The following EYS variants were observed in gnomAD, a reference collection of about 807,000 sequenced individuals.
EYS encodes protein eyes shut homolog.
In EYS, 250 loss-of-function variants were observed where a neutral mutation model predicts 282.1. The observed-to-expected ratio is 0.89, with a 90% CI of 0.80 to 0.98. The LOEUF is 0.98. Among genes scored for constraint, EYS ranks in the 50% least tolerant of loss-of-function variants. The pLI, the probability that EYS is intolerant of heterozygous loss-of-function variation, is 0.00. For missense variants in EYS, 4,016 were observed against 3,709.0 expected, an observed-to-expected ratio of 1.08 and a Z score of -2.15; for synonymous variants, 1,355 against 1,282.9, an observed-to-expected ratio of 1.06 and a Z score of -1.20.
In EYS at chr6:64,396,108, C is replaced by T. The variant is rs148463190; in HGVS notation, c.5928-7268G>A. On this transcript the variant is annotated intron_variant, in intron 28 of 42. Coordinates refer to ENST00000503581, the MANE Select transcript of EYS (RefSeq NM_001142800.2). ...CGCACACACATACTCTCTCTCACAA[C>T]TCTTCTATCCTCATTCAACATTATG... 5.2e-3 allele frequency among the ~76,000 whole-genome samples: 796 copies of T among 152,096 alleles called. 8 individuals are homozygous for T. Among genetic ancestry groups the T allele is most frequent in the South Asian group, 0.019 (91 of 4,816 alleles).
At chr6:65,547,935 A>G (rs1768454324) in intron 2 of EYS, among the ~76,000 whole-genome samples, 1 of 152,176 alleles carries the variant, frequency 6.6e-6, no homozygotes, top group Non-Finnish European at 1.5e-5. Context: ...TTACCTTGAC[A>G]AGGCTAGATA....
At chr6:63,891,477 GA>G (rs1274754902) in intron 35 of EYS, among the ~76,000 whole-genome samples, 1 of 151,940 alleles carries the variant, frequency 6.6e-6, no homozygotes, top group East Asian at 1.9e-4. Context: ...CAGAACCAAT[GA>G]AAAAAACCAC....
At chr6:63,763,554 T>A (rs965738682) in intron 40 of EYS, among the ~76,000 whole-genome samples, 5 of 151,856 alleles carry the variant, frequency 3.3e-5, no homozygotes, top group Admixed American at 2.6e-4. Flanking sequence ...TCCCCCATCC[T>A]GTTCTCATGG....
chr6:64,222,590 T>C (rs1337406883), intron 31 of EYS, among the ~76,000 whole-genome samples: 1 of 152,170 alleles, frequency 6.6e-6, no homozygotes, highest in East Asian at 1.9e-4. Flanking sequence ...TTGTAAATAG[T>C]ATAATACAAA....
intron 33 of EYS, among the ~76,000 whole-genome samples, chr6:64,039,051 C>A (rs777245953): frequency 3.9e-5 from 6 of 152,136 alleles, no homozygotes; most frequent in Non-Finnish European, 5.9e-5. Flanking sequence ...ATGATCTGCC[C>A]GCCTTGGGCT....
intron 30 of EYS, among the ~76,000 whole-genome samples, chr6:64,297,920 G>T (rs746625866): frequency 4.1e-5 from 6 of 147,324 alleles, no homozygotes; most frequent in Non-Finnish European, 5.9e-5. Flanking sequence ...AGAGGTTGCA[G>T]TGAGCCAAGA....
At chr6:63,971,461 G>A (rs1487611652) in intron 35 of EYS, among the ~76,000 whole-genome samples, 2 of 152,100 alleles carry the variant, frequency 1.3e-5, no homozygotes, top group Non-Finnish European at 2.9e-5. Context: ...ATAGAAAATA[G>A]CACTGGAAGT....
At chr6:64,761,182 A>C (rs1221972151) in intron 22 of EYS, among the ~76,000 whole-genome samples, 2 of 152,204 alleles carry the variant, frequency 1.3e-5, no homozygotes, top group East Asian at 3.9e-4. Context: ...CTCAAGGCTC[A>C]GGAGAGATTT....
chr6:64,754,219 C>T (rs1214646171), intron 22 of EYS, among the ~76,000 whole-genome samples: 1 of 152,056 alleles, frequency 6.6e-6, no homozygotes, highest in East Asian at 1.9e-4. Context: ...AATGGCTATA[C>T]ATTCACAACC....
chr6:64,834,863 C>T (rs1264958643), intron 19 of EYS, among the ~76,000 whole-genome samples: 1 of 151,720 alleles, frequency 6.6e-6, no homozygotes, highest in African/African-American at 2.4e-5. Flanking sequence ...ATAAACCAAC[C>T]TGTTAAGTTG....
At chr6:64,896,643 A>G (rs2150068772) in intron 18 of EYS, among the ~76,000 whole-genome samples, 1 of 152,046 alleles carries the variant, frequency 6.6e-6, no homozygotes. Context: ...CAGGGAGCCA[A>G]GTGGTCTTGC....
intron 22 of EYS, among the ~76,000 whole-genome samples, chr6:64,680,242 G>A (rs988438750): frequency 1.3e-5 from 2 of 152,166 alleles, no homozygotes; most frequent in African/African-American, 4.8e-5. Context: ...AGTGGAGAGG[G>A]GTCCACCTCC....
rs552181826 is a variant in EYS at position 65,264,736 on chromosome 6, A to G, written c.2023+31127T>C. Among the ~76,000 whole-genome samples the G allele has an allele frequency of 2.6e-5, 4 of 152,096 alleles. No homozygotes were observed. The East Asian group carries it at 7.7e-4, about 29-fold the overall frequency. On this transcript the variant is annotated intron_variant, in intron 12 of 42. Coordinates refer to ENST00000503581, the MANE Select transcript of EYS (RefSeq NM_001142800.2). The stretch of plus-strand genomic sequence containing the variant: ...TTCACTGTTTAAAGGTATCATATTG[A>G]TAACAATGAAAGACTATTTACTGAA...
chr6:64,111,948 A>T (rs902086588), intron 31 of EYS, among the ~76,000 whole-genome samples: 1 of 152,098 alleles, frequency 6.6e-6, no homozygotes, highest in African/African-American at 2.4e-5. Context: ...TTGAGCCATT[A>T]GTGTCTGCTC....
intron 12 of EYS, among the ~76,000 whole-genome samples, chr6:65,064,178 T>C (rs1001019981): frequency 1.4e-5 from 2 of 143,442 alleles, no homozygotes; most frequent in African/African-American, 5.1e-5. Flanking sequence ...ATATATAATA[T>C]ATAGTATATA....
intron 26 of EYS, among the ~76,000 whole-genome samples, chr6:64,448,666 G>A (rs1412632198): frequency 6.6e-6 from 1 of 152,160 alleles, no homozygotes. Flanking sequence ...AACTTCCAGA[G>A]GAACGATCAG....
intron 2 of EYS, among the ~76,000 whole-genome samples, chr6:65,627,762 G>T (rs1766765406): frequency 6.6e-6 from 1 of 152,228 alleles, no homozygotes; most frequent in East Asian, 1.9e-4. Context: ...TTCTCACCGA[G>T]CCTTAGCTGC....
At chr6:65,681,111 C>T (rs1768796947) in intron 1 of EYS, among the ~76,000 whole-genome samples, 1 of 147,032 alleles carries the variant, frequency 6.8e-6, no homozygotes, top group African/African-American at 2.5e-5. Context: ...GGATTCAATT[C>T]AATTCTCTAA....
Position 65,649,207 on chromosome 6 carries a change from C to T in EYS, c.-447-9315G>A, listed in dbSNP as rs575350210. 3.3e-5 allele frequency among the ~76,000 whole-genome samples: 5 copies of T among 151,412 alleles called. No individual in the cohort carries two copies. The East Asian group carries it at 9.7e-4, about 29-fold the overall frequency. ...TAAAAATTGACATTACTTGCAAGAC[C>T]CAACTATTTTCTATGATTTCCTTTA... On this transcript the variant is annotated intron_variant, in intron 1 of 42. Transcript: ENST00000503581.
Sources: allele counts gnomAD v4.1 joint callset (sites outside exome capture counted in the v4.1 genomes callset), GRCh38; gene constraint gnomAD v4.1.1; transcripts MANE v1.5; gene names NCBI Gene and HGNC (gene_info 2026-07-23, HGNC 2026-07-21).